TENM2: variants seen among roughly 807,000 people sequenced by gnomAD.
TENM2 encodes teneurin-2.
Under a neutral mutation model 245.2 loss-of-function variants are expected in TENM2, and 52 were observed. The ratio of observed to expected loss-of-function variants is 0.21; its 90% CI spans 0.17 to 0.27. The LOEUF (loss-of-function observed/expected upper bound fraction) is 0.27. Ranked by LOEUF, TENM2 falls within the 10% of genes least tolerant of loss-of-function variation. The pLI is 1.00. For missense variants in TENM2, 3,046 were observed against 3,666.8 expected, an observed-to-expected ratio of 0.83 and a Z score of 4.37; for synonymous variants, 1,363 against 1,438.9, an observed-to-expected ratio of 0.95 and a Z score of 1.19.
the TENM2 span, among the ~76,000 whole-genome samples, chr5:167,257,453 G>A: frequency 6.6e-6 from 1 of 151,858 alleles, no homozygotes; most frequent in South Asian, 2.1e-4. Flanking sequence ...CTAAATCTTT[G>A]GGTATATCCT....
At chr5:167,760,111 T>C (rs17069150) in intron 2 of TENM2, among the ~76,000 whole-genome samples, 5,209 of 152,238 alleles carry the variant, frequency 0.034, 262 homozygotes, top group East Asian at 0.18. Flanking sequence ...CTTATTTAAG[T>C]GGAATGCTAT....
chr5:168,188,435 G>A (rs193088745), intron 13 of TENM2, among the ~76,000 whole-genome samples: 1 of 152,262 alleles, frequency 6.6e-6, no homozygotes, highest in Non-Finnish European at 1.5e-5. Flanking sequence ...ATTGACTAAC[G>A]AATTCGTTCT....
chr5:167,398,157 T>G (rs981607546), intron 2 of TENM2, among the ~76,000 whole-genome samples: 1 of 152,132 alleles, frequency 6.6e-6, no homozygotes, highest in Non-Finnish European at 1.5e-5. Context: ...ATATCATAAT[T>G]TTTGATATGA....
intron 2 of TENM2, among the ~76,000 whole-genome samples, chr5:167,417,214 C>G (rs185364270): frequency 2.0e-5 from 3 of 152,150 alleles, no homozygotes; most frequent in African/African-American, 7.2e-5. Context: ...CTCACTAGCA[C>G]TCTTATCTGG....
At chr5:168,093,480 C>T (rs1000283102) in intron 8 of TENM2, among the ~76,000 whole-genome samples, 6 of 152,212 alleles carry the variant, frequency 3.9e-5, no homozygotes, top group Admixed American at 2.0e-4. Context: ...TCAGAACATT[C>T]TCCATCAAGA....
chr5:168,125,110 T>C (rs891207071), intron 11 of TENM2, 60 bp downstream of exon 13: 2 of 1,396,816 alleles, frequency 1.4e-6, no homozygotes, highest in Admixed American at 2.0e-5. Flanking sequence ...TTCCATCCCA[T>C]TCTCAGATGG....
intron 2 of TENM2, among the ~76,000 whole-genome samples, chr5:167,501,419 A>T (rs1173758233): frequency 1.3e-5 from 2 of 152,140 alleles, no homozygotes; most frequent in Non-Finnish European, 2.9e-5. Flanking sequence ...AGTAGAAGGC[A>T]CCCAACAAGA....
Position 168,078,477 on chromosome 5 carries a change from T to C in TENM2, c.1516-12097T>C, listed in dbSNP as rs201867694. 3.9e-5 allele frequency among the ~76,000 whole-genome samples: 6 copies of C among 152,342 alleles called. No individual in the cohort carries two copies. The East Asian group carries it at 1.2e-3, about 29-fold the overall frequency. ...TTTTGGCTTTTGTTGCCATTGTTTT[T>C]GGTGTTTCAGTCGTGAAGCCCTTGC... On this transcript the variant is annotated intron_variant, in intron 7 of 28. Coordinates refer to ENST00000518659, the Ensembl canonical transcript of TENM2.
chr5:167,160,808 C>T, the TENM2 span, among the ~76,000 whole-genome samples: 3 of 152,144 alleles, frequency 2.0e-5, no homozygotes, highest in Non-Finnish European at 4.4e-5. Flanking sequence ...CTGCAATGTC[C>T]CTCATGCCCA....
At chr5:167,593,651 A>G (rs1219115436) in intron 2 of TENM2, among the ~76,000 whole-genome samples, 6 of 152,226 alleles carry the variant, frequency 3.9e-5, no homozygotes, top group Non-Finnish European at 1.5e-5. Flanking sequence ...ATTTATCCTT[A>G]TCTTCACTAT....
chr5:167,627,308 G>A (rs1778572163), intron 2 of TENM2, among the ~76,000 whole-genome samples: 1 of 152,136 alleles, frequency 6.6e-6, no homozygotes, highest in African/African-American at 2.4e-5. Flanking sequence ...TCTGGGCTCT[G>A]ATAATTCAGT....
chr5:167,985,156 T>C (rs2151981112), intron 4 of TENM2, among the ~76,000 whole-genome samples: 1 of 152,348 alleles, frequency 6.6e-6, no homozygotes, highest in African/African-American at 2.4e-5. Flanking sequence ...TAATGAAATC[T>C]GGAGTTCTCT....
intron 3 of TENM2, among the ~76,000 whole-genome samples, chr5:167,899,595 G>A (rs1775522272): frequency 6.6e-6 from 1 of 152,178 alleles, no homozygotes; most frequent in Admixed American, 6.5e-5. Context: ...AAACGTGGTG[G>A]AGTGAATTCA....
At chr5:167,853,163 G>A (rs986835255) in intron 2 of TENM2, among the ~76,000 whole-genome samples, 7 of 151,024 alleles carry the variant, frequency 4.6e-5, no homozygotes, top group East Asian at 1.9e-4. Context: ...GGTGGCGGGC[G>A]CCTGTAGTTC....
At chr5:167,531,373 TTAAC>T (rs1349540713) in intron 2 of TENM2, among the ~76,000 whole-genome samples, 2 of 152,214 alleles carry the variant, frequency 1.3e-5, no homozygotes, top group African/African-American at 4.8e-5. Flanking sequence ...TAAGTTATAA[TTAAC>T]TAATTAAAAT....
intron 2 of TENM2, among the ~76,000 whole-genome samples, chr5:167,527,688 G>A (rs1037940750): frequency 7.2e-5 from 11 of 152,014 alleles, no homozygotes; most frequent in South Asian, 2.1e-4. Context: ...TTATTTGCAC[G>A]TTATGACTTA....
At chr5:167,431,913 T>G in intron 2 of TENM2, among the ~76,000 whole-genome samples, 1 of 103,186 alleles carries the variant, frequency 9.7e-6, no homozygotes, top group East Asian at 2.0e-4. Flanking sequence ...TTCCAAGGTG[T>G]GATATATATA....
intron 25 of TENM2, among the ~76,000 whole-genome samples, chr5:168,238,230 A>AGGG (rs1765730395): frequency 4.1e-5 from 4 of 96,516 alleles, no homozygotes; most frequent in African/African-American, 1.7e-4. Context: ...AGAAGAAAAG[A>AGGG]AAAGAAAAGA....
the TENM2 span, among the ~76,000 whole-genome samples, chr5:167,246,370 T>C: frequency 6.6e-6 from 1 of 152,166 alleles, no homozygotes; most frequent in Admixed American, 6.5e-5. Flanking sequence ...ATCATATACC[T>C]ATGCAAAATG....
Sources: allele counts gnomAD v4.1 joint callset (sites outside exome capture counted in the v4.1 genomes callset), GRCh38; gene constraint gnomAD v4.1.1; transcripts MANE v1.5; gene names NCBI Gene and HGNC (gene_info 2026-07-23, HGNC 2026-07-21).